Variants in CADPS observed in about 807,000 individuals in gnomAD.
CADPS encodes calcium-dependent secretion activator 1.
CADPS carries 57 observed loss-of-function variants against 167.3 expected under a neutral mutation model. That is an observed-to-expected ratio of 0.34 (90% CI 0.28 to 0.42). The LOEUF is 0.42. CADPS is among the 20% of genes least tolerant of loss of function. CADPS has a pLI of 1.00. For synonymous variants in CADPS, 676 were observed against 635.3 expected, an observed-to-expected ratio of 1.06 and a Z score of -0.96; for missense variants, 1,414 against 1,738.1, an observed-to-expected ratio of 0.81 and a Z score of 3.32.
At chr3:62,418,788 T>C (rs1275481661) in intron 28 of CADPS, among the ~76,000 whole-genome samples, 1 of 152,122 alleles carries the variant, frequency 6.6e-6, no homozygotes, top group Non-Finnish European at 1.5e-5. Context: ...TCTCTTTTGA[T>C]TAGCCTCCAA....
At chr3:62,860,334 T>A (rs1231745270) in intron 1 of CADPS, among the ~76,000 whole-genome samples, 2 of 152,118 alleles carry the variant, frequency 1.3e-5, no homozygotes, top group Non-Finnish European at 2.9e-5. Flanking sequence ...AACCAAAATC[T>A]CCTATTCTCT....
intron 28 of CADPS, among the ~76,000 whole-genome samples, chr3:62,411,384 C>T (rs977181764): frequency 6.6e-6 from 1 of 152,150 alleles, no homozygotes; most frequent in African/African-American, 2.4e-5. Flanking sequence ...AATACTTTGA[C>T]CACGCCCATG....
At position 62,800,821 on chromosome 3, in the gene CADPS, C is replaced by T. The variant is rs547262143; in HGVS notation, c.442-34837G>A. Among the ~76,000 whole-genome samples, 11 of 152,248 alleles carry T rather than the reference C, an allele frequency of 7.2e-5. No individual in the cohort carries two copies. In the East Asian group the frequency reaches 1.9e-3, roughly 27 times the overall value. ...AACAAAAAGATTAAAACATCTTTCC[C>T]AGAAAACGCGTTTACAAAACATTCG... is the stretch of plus-strand genomic sequence containing the variant. On this transcript the variant is annotated intron_variant, in intron 1 of 29. Transcript: ENST00000383710.
chr3:62,425,218 T>C (rs1001042105), intron 28 of CADPS, among the ~76,000 whole-genome samples: 1 of 152,194 alleles, frequency 6.6e-6, no homozygotes, highest in East Asian at 1.9e-4. Context: ...GAGTCAGGGT[T>C]CAGCCACCTC....
At chr3:62,803,194 C>T (rs2093880415) in intron 1 of CADPS, among the ~76,000 whole-genome samples, 1 of 152,126 alleles carries the variant, frequency 6.6e-6, no homozygotes, top group Non-Finnish European at 1.5e-5. Flanking sequence ...TCCACAAGAT[C>T]AAGTATCCAC....
chr3:62,402,604 G>A (rs928953497), intron 29 of CADPS, among the ~76,000 whole-genome samples: 12 of 152,102 alleles, frequency 7.9e-5, no homozygotes, highest in African/African-American at 2.7e-4. Flanking sequence ...ATTGTAAGAC[G>A]AACTACTTCA....
chr3:62,766,165 T>A (rs1264407818), intron 1 of CADPS, among the ~76,000 whole-genome samples, 181 bp from the exon 2 acceptor site: 3 of 152,162 alleles, frequency 2.0e-5, no homozygotes, highest in Non-Finnish European at 4.4e-5. Context: ...GCCATTATTT[T>A]AAAATAATAT....
chr3:62,679,950 A>G (rs1475184361), intron 3 of CADPS, among the ~76,000 whole-genome samples: 2 of 152,050 alleles, frequency 1.3e-5, no homozygotes, highest in African/African-American at 4.8e-5. Flanking sequence ...TTGATAAATT[A>G]ATTATAATTT....
chr3:62,556,300 A>G (rs1333292470), intron 10 of CADPS, among the ~76,000 whole-genome samples: 1 of 152,230 alleles, frequency 6.6e-6, no homozygotes, highest in Non-Finnish European at 1.5e-5. Context: ...GGCAAGTAGC[A>G]AATAACATAT....
intron 6 of CADPS, among the ~76,000 whole-genome samples, chr3:62,610,550 C>T (rs1016111346): frequency 2.0e-5 from 3 of 152,168 alleles, no homozygotes; most frequent in Non-Finnish European, 2.9e-5. Flanking sequence ...CATGCCTGGC[C>T]AGAGATTTTG....
chr3:62,572,194 C>A (rs1225824955), intron 8 of CADPS, among the ~76,000 whole-genome samples: 1 of 152,162 alleles, frequency 6.6e-6, no homozygotes, highest in Admixed American at 6.5e-5. Flanking sequence ...TTAAGAGTGG[C>A]TGGCAGCCAA....
intron 12 of CADPS, among the ~76,000 whole-genome samples, chr3:62,533,741 G>A (rs1231634656): frequency 2.6e-5 from 4 of 152,134 alleles, no homozygotes; most frequent in Non-Finnish European, 5.9e-5. Flanking sequence ...ACTTTGGAAA[G>A]AGTGTTTTTT....
chr3:62,850,999 T>A (rs1374804273), intron 1 of CADPS, among the ~76,000 whole-genome samples: 1 of 145,656 alleles, frequency 6.9e-6, no homozygotes. Context: ...TAGCTCCTCT[T>A]GTTGAATTGA....
chr3:62,755,185 C>T (rs546980842), intron 2 of CADPS, among the ~76,000 whole-genome samples: 2 of 152,274 alleles, frequency 1.3e-5, no homozygotes, highest in South Asian at 4.1e-4. Context: ...CACCCGGGTT[C>T]CTTCCTTCCC....
In CADPS at chr3:62,518,213, C is replaced by T. The variant is rs865887166; in HGVS notation, c.2329G>A (p.Glu777Lys). The T allele has an allele frequency of 6.2e-7, 1 of 1,612,878 alleles. No individual in the cohort carries two copies. The highest frequency in any genetic ancestry group is 1.7e-4 in the Middle Eastern group (1 of 6,058). The part of the protein sequence containing the change: ...GIGTVTVEEK[E>K]RFEEIKERLR... Reference sequence around the variant, plus strand: ...CTCTCTTTGATTTCTTCAAAACGTTCCTTTTCTTCAACAGTCACAGTTCCA... The same window carrying T: ...CTCTCTTTGATTTCTTCAAAACGTTTCTTTTCTTCAACAGTCACAGTTCCA... Residue 777 changes from glutamate to lysine, a missense_variant, in exon 14 of 30, where the codon GAA becomes AAA. Physicochemically the swap from Glu to Lys is moderately conservative, Grantham distance 56. This residue lies in a region of CADPS where 529 missense variants were observed against 629.6 expected (regional missense o/e 0.84). Coordinates refer to ENST00000383710, the MANE Select transcript of CADPS (RefSeq NM_003716.4).
At chr3:62,686,513 A>G (rs537476262) in intron 3 of CADPS, among the ~76,000 whole-genome samples, 9 of 152,068 alleles carry the variant, frequency 5.9e-5, no homozygotes, top group African/African-American at 2.2e-4. Context: ...CTGTGGCTAG[A>G]GGGGAGAAAT....
At chr3:62,681,438 T>C (rs2077142907) in intron 3 of CADPS, among the ~76,000 whole-genome samples, 1 of 152,012 alleles carries the variant, frequency 6.6e-6, no homozygotes, top group Non-Finnish European at 1.5e-5. Flanking sequence ...TGGCCTGTGT[T>C]AAAGTTTCAA....
At position 62,701,482 on chromosome 3, in the gene CADPS, C is replaced by T. The variant is rs142562714; in HGVS notation, c.889-39088G>A. On this transcript the variant is annotated intron_variant, in intron 3 of 29. Coordinates refer to ENST00000383710, the MANE Select transcript of CADPS (RefSeq NM_003716.4). ...GGCAAAGTGATGCTTAGAAAAGATG[C>T]CCTGTAGTCCCAGCTACTCGGGAGG... Among the ~76,000 whole-genome samples the T allele has an allele frequency of 4.7e-3, 706 of 151,758 alleles. 9 individuals carry two copies. Among genetic ancestry groups the T allele is most frequent in the African/African-American group, 0.015 (631 of 41,380 alleles).
intron 1 of CADPS, among the ~76,000 whole-genome samples, chr3:62,803,059 T>C (rs2152816894): frequency 6.6e-6 from 1 of 152,282 alleles, no homozygotes; most frequent in East Asian, 1.9e-4. Flanking sequence ...TGGCCTCTTC[T>C]ATGCTTTGCC....
Sources: gnomAD v4.1 joint callset for allele counts (sites outside exome capture counted in the v4.1 genomes callset) on GRCh38, gnomAD v4.1.1 for gene constraint, gnomAD v4.1.1 regional missense constraint, MANE v1.5 for transcripts, NCBI Gene and HGNC (gene_info 2026-07-23, HGNC 2026-07-21) for gene names.